Variants in CFAP92 observed in about 807,000 individuals in gnomAD.
CFAP92 encodes the protein uncharacterized protein CFAP92.
Under a neutral mutation model 106.3 loss-of-function variants are expected in CFAP92, and 86 were observed. The observed-to-expected ratio is 0.81, with a 90% CI of 0.68 to 0.97. The LOEUF (loss-of-function observed/expected upper bound fraction) is 0.97, where lower values mean the gene tolerates loss of function less well. CFAP92 is among the 50% of genes least tolerant of loss of function. The pLI is 0.00. For synonymous variants in CFAP92, 477 were observed against 506.4 expected, an observed-to-expected ratio of 0.94 and a Z score of 0.78; for missense variants, 1,204 against 1,283.8, an observed-to-expected ratio of 0.94 and a Z score of 0.95.
At chr3:128,965,400 A>C (rs1052672769) in intron 9 of CFAP92, 111 bp downstream of exon 9, 11 of 397,710 alleles carry the variant, frequency 2.8e-5, no homozygotes, top group Non-Finnish European at 4.9e-5. Context: ...CCCGTATGAG[A>C]ATGACCACAT....
upstream of CFAP92, chr3:128,994,233 A>G (rs568548682): frequency 2.6e-6 from 2 of 776,028 alleles, no homozygotes; most frequent in Non-Finnish European, 3.1e-6. Flanking sequence ...TCAAATGGCT[A>G]CATCCAGGTT....
rs1463339947 is a variant in CFAP92 at position 128,978,043 on chromosome 3, A to C, written c.808+2T>G. ...TTGTCCACAAAGGCCTTCTCCGCTC[A>C]CCTTGCAAAGACTTTGGGTGTTTTT... is the stretch of plus-strand genomic sequence containing the variant. On this transcript the variant is annotated splice_donor_variant, in intron 5 of 15. Transcript: ENST00000645291. LOFTEE classifies it high-confidence loss of function. 2.6e-5 allele frequency: 42 copies of C among 1,613,706 alleles called. No homozygotes were observed. Among genetic ancestry groups the C allele is most frequent in the Non-Finnish European group, 3.4e-5 (40 of 1,179,858 alleles).
intron 7 of CFAP92, among the ~76,000 whole-genome samples, chr3:128,972,724 G>T (rs892616199): frequency 1.3e-5 from 2 of 151,712 alleles, no homozygotes; most frequent in Admixed American, 1.3e-4. Context: ...GTGTGGTGGC[G>T]GGCATCTGTA....
At chr3:128,949,809 C>T (rs973801610) in intron 9 of CFAP92, among the ~76,000 whole-genome samples, 1 of 152,220 alleles carries the variant, frequency 6.6e-6, no homozygotes, top group African/African-American at 2.4e-5. Flanking sequence ...GCTTCAGCCT[C>T]CTGAGGAGCT....
intron 4 of CFAP92, among the ~76,000 whole-genome samples, chr3:128,981,549 T>G (rs1016695628): frequency 3.3e-5 from 5 of 151,716 alleles, no homozygotes; most frequent in African/African-American, 1.2e-4. Context: ...CACACTGGTC[T>G]CAAATTCCTG....
intron 10 of CFAP92, among the ~76,000 whole-genome samples, 197 bp downstream of exon 10, chr3:128,944,874 C>G (rs749491718): frequency 1.3e-5 from 2 of 152,268 alleles, no homozygotes; most frequent in East Asian, 3.9e-4. Flanking sequence ...TAGATACTCC[C>G]GAATTCCTCC....
chr3:128,931,481 ATATG>A (rs1159048507), intron 12 of CFAP92, among the ~76,000 whole-genome samples: 2 of 146,744 alleles, frequency 1.4e-5, no homozygotes, highest in Admixed American at 7.0e-5. Context: ...ACATGTATAT[ATATG>A]TATGTATGTA....
chr3:128,998,759 C>T (rs1201954276), upstream of CFAP92, among the ~76,000 whole-genome samples: 1 of 152,156 alleles, frequency 6.6e-6, no homozygotes, highest in Non-Finnish European at 1.5e-5. Context: ...AAACCACAGC[C>T]AAGCTGTTTA....
chr3:128,934,833 C>T (rs1258039792), intron 11 of CFAP92, among the ~76,000 whole-genome samples: 1 of 152,170 alleles, frequency 6.6e-6, no homozygotes, highest in Non-Finnish European at 1.5e-5. Context: ...GCCCAGCCCA[C>T]ACCTGGCTAA....
At chr3:128,979,969 TATAA>T (rs1559925724) in intron 4 of CFAP92, among the ~76,000 whole-genome samples, 2 of 114,450 alleles carry the variant, frequency 1.7e-5, no homozygotes, top group Non-Finnish European at 3.7e-5. Flanking sequence ...TATATATATA[TATAA>T]AAGAAAAAAG....
intron 1 of CFAP92, among the ~76,000 whole-genome samples, chr3:129,000,825 C>G (rs560187878): frequency 1.3e-5 from 2 of 152,204 alleles, no homozygotes; most frequent in African/African-American, 4.8e-5. Flanking sequence ...CCTATCCCCA[C>G]CCCCAACAGG....
chr3:128,984,623 G>C (rs918392275), intron 4 of CFAP92, among the ~76,000 whole-genome samples: 1 of 152,146 alleles, frequency 6.6e-6, no homozygotes, highest in Non-Finnish European at 1.5e-5. Flanking sequence ...TTGCTCCTCA[G>C]CTTGCAGACG....
chr3:128,915,105 C>T lies in CFAP92; in HGVS notation c.3280+14G>A. On this transcript the variant is annotated intron_variant, in intron 15 of 15. Coordinates refer to ENST00000645291, the MANE Select transcript of CFAP92 (RefSeq NM_001394090.1). ...GCATCAGGAGGCCCAGCTTGGCAAA[C>T]CCTTGCCTGTTACCTGTTACAGGCT... The T allele has an allele frequency of 6.5e-7, 1 of 1,534,702 alleles. No homozygotes were observed. Among genetic ancestry groups the T allele is most frequent in the Non-Finnish European group, 8.7e-7 (1 of 1,146,200 alleles).
Position 128,993,202 on chromosome 3 carries a change from C to T in CFAP92, c.103G>A (p.Glu35Lys), listed in dbSNP as rs1438916173. ...GCCCTGGCCTTGGCCTTCAGGTGTT[C>T]CTCCACGTCACACTCGCTCGTGGAC... ...YQSTSECDVE[E>K]HLKAKARAQE... Residue 35 changes from glutamate to lysine, a missense_variant, in exon 2 of 16, where the codon GAA (glutamate) becomes AAA (lysine). By Grantham distance (56) the Glu-to-Lys change is moderately conservative. Transcript: ENST00000645291. The T allele has an allele frequency of 6.2e-7, 1 of 1,613,940 alleles. No individual in the cohort carries two copies. Among genetic ancestry groups the T allele is most frequent in the Non-Finnish European group, 8.5e-7 (1 of 1,179,908 alleles).
intron 11 of CFAP92, among the ~76,000 whole-genome samples, chr3:128,934,412 T>A (rs1938756657): frequency 6.6e-6 from 1 of 151,476 alleles, no homozygotes; most frequent in African/African-American, 2.4e-5. Context: ...AGAGATGGGG[T>A]TTCTCCATGT....
At chr3:129,015,618 G>A in the CFAP92 span, among the ~76,000 whole-genome samples, 5 of 151,948 alleles carry the variant, frequency 3.3e-5, no homozygotes, top group South Asian at 8.3e-4. Flanking sequence ...GTGTCTGCTC[G>A]CACACTCCTG....
At chr3:129,018,586 A>G in the CFAP92 span, among the ~76,000 whole-genome samples, 2 of 152,180 alleles carry the variant, frequency 1.3e-5, no homozygotes, top group Non-Finnish European at 2.9e-5. Context: ...TGGCATAAGT[A>G]TGCCAGCCCT....
chr3:128,999,523 A>C, intron 1 of CFAP92, among the ~76,000 whole-genome samples: 1 of 149,506 alleles, frequency 6.7e-6, no homozygotes, highest in African/African-American at 2.5e-5. Flanking sequence ...ATGAAATAAA[A>C]TCAGGTTCTT....
Position 128,978,075 on chromosome 3 carries a change from T to C in CFAP92, c.778A>G (p.Lys260Glu). The C allele has an allele frequency of 6.2e-7, 1 of 1,614,016 alleles. No individual in the cohort carries two copies. Among genetic ancestry groups the C allele is most frequent in the Non-Finnish European group, 8.5e-7 (1 of 1,179,894 alleles). Residue 260 changes from lysine (K) to glutamate (E), a missense_variant, in exon 5 of 16, where the codon AAA becomes GAA. Physicochemically the swap from Lys to Glu is moderately conservative, Grantham distance 56 (BLOSUM62 1). Transcript: ENST00000645291. ...NQEHPPGKQE[K>E]TEKHPKSLQG... ...AAAGACTTTGGGTGTTTTTCTGTTTTTTCTTGTTTTCCTGGCGGATGTTCC... is the reference window on the plus strand; with the variant it reads ...AAAGACTTTGGGTGTTTTTCTGTTTCTTCTTGTTTTCCTGGCGGATGTTCC...
Sources: gnomAD v4.1 joint callset for allele counts (sites outside exome capture counted in the v4.1 genomes callset) on GRCh38, gnomAD v4.1.1 for gene constraint, MANE v1.5 for transcripts, NCBI Gene and HGNC (gene_info 2026-07-23, HGNC 2026-07-21) for gene names.